Variants in NALCN observed in about 807,000 individuals in gnomAD.
NALCN encodes the protein sodium leak channel NALCN.
A neutral mutation model predicts 225.3 loss-of-function variants in NALCN; 111 were observed. The ratio of observed to expected loss-of-function variants is 0.49; its 90% CI spans 0.42 to 0.58. NALCN has a LOEUF of 0.58. NALCN is among the 20% of genes least tolerant of loss of function. The pLI, the probability that NALCN is intolerant of heterozygous loss-of-function variation, is 0.00. For missense variants in NALCN, 1,378 were observed against 2,202.4 expected, an observed-to-expected ratio of 0.63 and a Z score of 7.49; for synonymous variants, 764 against 769.0, an observed-to-expected ratio of 0.99 and a Z score of 0.11.
chr13:101,078,942 T>C (rs1265943799), intron 34 of NALCN, among the ~76,000 whole-genome samples: 2 of 152,174 alleles, frequency 1.3e-5, no homozygotes, highest in Non-Finnish European at 2.9e-5. Context: ...CCCATCCTGT[T>C]CTCATGATAT....
chr13:101,143,338 A>T, intron 16 of NALCN, 117 bp from the exon 17 acceptor site: 1 of 1,030,750 alleles, frequency 9.7e-7, no homozygotes, highest in Non-Finnish European at 1.3e-6. Flanking sequence ...AGATCATAGA[A>T]AACTAGATCA....
At chr13:101,375,101 G>A (rs2046650252) in intron 6 of NALCN, among the ~76,000 whole-genome samples, 1 of 151,930 alleles carries the variant, frequency 6.6e-6, no homozygotes, top group Non-Finnish European at 1.5e-5. Flanking sequence ...CTTCTTTATT[G>A]CTCTTTCCTT....
intron 16 of NALCN, among the ~76,000 whole-genome samples, chr13:101,144,011 C>G (rs2037220554): frequency 6.6e-6 from 1 of 152,266 alleles, no homozygotes; most frequent in South Asian, 2.1e-4. Flanking sequence ...AAATATATTT[C>G]TACCCGAATT....
intron 11 of NALCN, among the ~76,000 whole-genome samples, chr13:101,255,201 C>G (rs2042190854): frequency 6.6e-6 from 1 of 152,164 alleles, no homozygotes. Flanking sequence ...CCAACTACCC[C>G]TGGACTCTAC....
chr13:101,367,538 G>A (rs892836808), intron 6 of NALCN, among the ~76,000 whole-genome samples: 8 of 151,894 alleles, frequency 5.3e-5, no homozygotes, highest in South Asian at 4.2e-4. Flanking sequence ...TTAATTCCAC[G>A]TCCCATGCAT....
chr13:101,268,019 T>A (rs2042653956), intron 10 of NALCN, among the ~76,000 whole-genome samples: 1 of 152,226 alleles, frequency 6.6e-6, no homozygotes, highest in African/African-American at 2.4e-5. Context: ...ACTTTGGATG[T>A]GTCACTTTGA....
At chr13:101,345,954 T>A (rs2045713233) in intron 6 of NALCN, among the ~76,000 whole-genome samples, 1 of 147,092 alleles carries the variant, frequency 6.8e-6, no homozygotes, top group Non-Finnish European at 1.5e-5. Context: ...CATATAAGAA[T>A]GAGAAATGAG....
intron 1 of NALCN, among the ~76,000 whole-genome samples, chr13:101,413,055 C>A (rs1041531716): frequency 6.6e-6 from 1 of 152,084 alleles, no homozygotes; most frequent in African/African-American, 2.4e-5. Flanking sequence ...ATTATGTTAC[C>A]TTCTTTTATT....
At chr13:101,300,336 C>T (rs571808675) in intron 7 of NALCN, among the ~76,000 whole-genome samples, 2 of 136,298 alleles carry the variant, frequency 1.5e-5, no homozygotes, top group East Asian at 4.4e-4. Context: ...TCCTTCCTTC[C>T]TTCTTTTTCT....
At chr13:101,130,852 G>A (rs1243598108) in intron 17 of NALCN, among the ~76,000 whole-genome samples, 1 of 152,242 alleles carries the variant, frequency 6.6e-6, no homozygotes, top group African/African-American at 2.4e-5. Context: ...TTTTAGGTGT[G>A]TGCTGTCAAT....
At chr13:101,100,177 G>A (rs1237040193) in intron 27 of NALCN, among the ~76,000 whole-genome samples, 1 of 152,130 alleles carries the variant, frequency 6.6e-6, no homozygotes, top group Non-Finnish European at 1.5e-5. Flanking sequence ...CTGAGAGTGG[G>A]GAAGCAATAA....
chr13:101,336,757 GT>G (rs1220006148), intron 7 of NALCN, among the ~76,000 whole-genome samples: 1 of 152,084 alleles, frequency 6.6e-6, no homozygotes, highest in African/African-American at 2.4e-5. Flanking sequence ...GTATAAATTT[GT>G]TGGTTAATTT....
At chr13:101,083,345 T>A in intron 31 of NALCN, 147 bp from the exon 32 acceptor site, 1 of 682,160 alleles carries the variant, frequency 1.5e-6, no homozygotes, top group Non-Finnish European at 2.5e-6. Context: ...TTTGCAGCAA[T>A]GGCTGGCTCT....
At position 101,254,693 on chromosome 13, in the gene NALCN, C is replaced by T. The variant is rs1233782812; in HGVS notation, c.1266+3750G>A. Among the ~76,000 whole-genome samples, 152 of 75,562 alleles carry T rather than the reference C, an allele frequency of 2.0e-3. 21 individuals are homozygous for T. The highest frequency in any genetic ancestry group is 0.011 in the Middle Eastern group (2 of 178). The allele number at this position is 75,562 out of a possible 152,430, so 49.6% of individuals were successfully genotyped here. A position where few individuals can be genotyped will look rare whatever the true frequency, so the allele number is the denominator to read the frequency against. The stretch of plus-strand genomic sequence containing the variant: ...GATCACGAGGTCAGGAGATCGAGAC[C>T]ATCCCGGCTAAAACGGTGAAACCCC... On this transcript the variant is annotated intron_variant, in intron 11 of 43. Transcript: ENST00000251127.
chr13:101,325,793 T>C (rs2044931189), intron 7 of NALCN, among the ~76,000 whole-genome samples: 1 of 152,202 alleles, frequency 6.6e-6, no homozygotes, highest in Non-Finnish European at 1.5e-5. Flanking sequence ...TAAGAGGTGT[T>C]ATCATTATTT....
chr13:101,215,692 CTATTTATTAATT>C (rs756632230), intron 13 of NALCN, among the ~76,000 whole-genome samples: 425 of 151,434 alleles, frequency 2.8e-3, no homozygotes, highest in African/African-American at 7.3e-3. Context: ...TTTTTTTTTC[CTATTTATTAATT>C]TATTTATTAA....
chr13:101,304,543 G>A (rs990669094), intron 7 of NALCN, among the ~76,000 whole-genome samples: 5 of 151,544 alleles, frequency 3.3e-5, no homozygotes, highest in South Asian at 4.2e-4. Flanking sequence ...TTCAATCTCC[G>A]CCTGGGATTA....
At position 101,062,125 on chromosome 13, in the gene NALCN, G is replaced by T; in HGVS notation, c.4605-7C>A. 6.2e-7 allele frequency: 1 copy of T among 1,613,578 alleles called. No individual in the cohort carries two copies. Among genetic ancestry groups the T allele is most frequent in the African/African-American group, 1.3e-5 (1 of 75,020 alleles). On this transcript the variant is annotated splice_region_variant and splice_polypyrimidine_tract_variant and intron_variant, in intron 40 of 43. Transcript: ENST00000251127. ...GGACCGGTATGAAAGCATGCTGGTG[G>T]GAGAAACACACCTGCAATCGCAGCT... is the stretch of plus-strand genomic sequence containing the variant.
chr13:101,414,689 GTACATTTCTCC>G (rs913997867), intron 1 of NALCN, among the ~76,000 whole-genome samples: 3 of 152,082 alleles, frequency 2.0e-5, no homozygotes, highest in Non-Finnish European at 4.4e-5. Context: ...CATTTTTTAA[GTACATTTCTCC>G]TTTGAATATC....
Sources: gnomAD v4.1 joint callset for allele counts (sites outside exome capture counted in the v4.1 genomes callset) on GRCh38, gnomAD v4.1.1 for gene constraint, MANE v1.5 for transcripts, NCBI Gene and HGNC (gene_info 2026-07-23, HGNC 2026-07-21) for gene names.